The following FGF14 variants were observed in gnomAD, a reference collection of about 807,000 sequenced individuals.
FGF14 encodes the protein fibroblast growth factor 14.
FGF14 carries 5 observed loss-of-function variants against 25.5 expected under a neutral mutation model. That is an observed-to-expected ratio of 0.20 (90% CI 0.10 to 0.41). The LOEUF is 0.41. Ranked by LOEUF, FGF14 falls within the 10% of genes least tolerant of loss-of-function variation. The pLI, the probability that FGF14 is intolerant of heterozygous loss-of-function variation, is 1.00. For missense variants in FGF14, 222 were observed against 320.1 expected (o/e 0.69, Z 2.34); for synonymous variants, 138 against 118.3 (o/e 1.17, Z -1.08).
At chr13:101,754,335 T>C (rs1347090836) in intron 3 of FGF14, among the ~76,000 whole-genome samples, 1 of 152,232 alleles carries the variant, frequency 6.6e-6, no homozygotes, top group Non-Finnish European at 1.5e-5. Flanking sequence ...CCAAGAGTTA[T>C]CACAGAGCTC....
In FGF14 at chr13:101,848,453, A is replaced by G. The variant is rs77878052; in HGVS notation, c.408+20272T>C. Among the ~76,000 whole-genome samples, 1,038 of 152,210 alleles carry G rather than the reference A, an allele frequency of 6.8e-3. 2 individuals are homozygous for G. Among genetic ancestry groups the G allele is most frequent in the Non-Finnish European group, 0.011 (739 of 67,964 alleles). The stretch of plus-strand genomic sequence containing the variant: ...AAAAAGTGTAATGTAATAATTTAGT[A>G]TCAAAAACAAGAGAAAGGAGGAGGC... On this transcript the variant is annotated intron_variant, in intron 3 of 4. Transcript: ENST00000376143.
intron 3 of FGF14, among the ~76,000 whole-genome samples, chr13:101,775,740 T>A (rs1399618211): frequency 6.6e-6 from 1 of 152,074 alleles, no homozygotes; most frequent in African/African-American, 2.4e-5. Flanking sequence ...TGAAATGAAA[T>A]TGGAAGGGTG....
chr13:102,121,336 A>C (rs1223471534), intron 1 of FGF14, among the ~76,000 whole-genome samples: 1 of 152,186 alleles, frequency 6.6e-6, no homozygotes, highest in Admixed American at 6.5e-5. Context: ...TCCTTTGCCC[A>C]AGGGACCATA....
rs902565046 is a variant in FGF14 at position 101,752,384 on chromosome 13, T to C, written c.409-25574A>G. ...ATGTAAATGAATTTTTAACATATTCTATACAAATTTTAATCAGTTGCATAA... is the reference window on the plus strand; with the variant it reads ...ATGTAAATGAATTTTTAACATATTCCATACAAATTTTAATCAGTTGCATAA... On this transcript the variant is annotated intron_variant, in intron 3 of 4. Coordinates refer to ENST00000376143, the MANE Select transcript of FGF14 (RefSeq NM_004115.4). Among the ~76,000 whole-genome samples, 5 of 152,358 alleles carry C rather than the reference T, an allele frequency of 3.3e-5. No individual in the cohort carries two copies. The South Asian group carries it at 8.3e-4, about 25-fold the overall frequency.
In FGF14 at chr13:102,399,082, T is replaced by A. The variant is rs563134561; in HGVS notation, c.208+2389A>T. 1.7e-4 allele frequency among the ~76,000 whole-genome samples: 26 copies of A among 152,118 alleles called. No individual in the cohort carries two copies. In the South Asian group the frequency reaches 5.2e-3, roughly 30 times the overall value. On this transcript the variant is annotated intron_variant, in intron 1 of 4. Transcript: ENST00000376131. ...AAAATGAATTGTTCTAAAAATAAAT[T>A]GTCATTTGTTCCACAGTTTCCAAAA... is the stretch of plus-strand genomic sequence containing the variant.
intron 1 of FGF14, among the ~76,000 whole-genome samples, chr13:102,053,788 T>G (rs2042316106): frequency 6.6e-6 from 1 of 152,098 alleles, no homozygotes; most frequent in African/African-American, 2.4e-5. Context: ...CAGCTGGGAT[T>G]TTGGAATGAT....
Position 101,896,909 on chromosome 13 carries a change from T to C in FGF14, c.193+19544A>G, listed in dbSNP as rs370410362. Reference sequence around the variant, plus strand: ...GGGTAACTTTATCTATAAAATAAGATGACTGAACTGATAATCATTGAAACT... The same window carrying C: ...GGGTAACTTTATCTATAAAATAAGACGACTGAACTGATAATCATTGAAACT... On this transcript the variant is annotated intron_variant, in intron 1 of 4. Transcript: ENST00000376143. Among the ~76,000 whole-genome samples, 15 of 152,282 alleles carry C rather than the reference T, an allele frequency of 9.9e-5. 1 individual carries two copies. The South Asian group carries it at 2.7e-3, about 27-fold the overall frequency.
chr13:102,083,733 T>C (rs2043752343), intron 1 of FGF14, among the ~76,000 whole-genome samples: 1 of 152,234 alleles, frequency 6.6e-6, no homozygotes, highest in African/African-American at 2.4e-5. Flanking sequence ...AACTAAACTG[T>C]AAGCCAACTG....
chr13:102,066,217 T>G (rs1028034511), intron 1 of FGF14, among the ~76,000 whole-genome samples: 1 of 152,156 alleles, frequency 6.6e-6, no homozygotes, highest in Non-Finnish European at 1.5e-5. Context: ...AGGAGGATAA[T>G]TCATAGTGGT....
At chr13:102,041,595 A>AC (rs1555345221) in intron 1 of FGF14, among the ~76,000 whole-genome samples, 1 of 149,850 alleles carries the variant, frequency 6.7e-6, no homozygotes, top group Non-Finnish European at 1.5e-5. Context: ...AAAAAAAAAA[A>AC]AGAGAGATTT....
At chr13:102,072,409 C>G (rs1355645236) in intron 1 of FGF14, among the ~76,000 whole-genome samples, 2 of 152,136 alleles carry the variant, frequency 1.3e-5, no homozygotes, top group Non-Finnish European at 2.9e-5. Flanking sequence ...AAGTATCACT[C>G]TCAGAATTAT....
At chr13:101,886,701 A>T (rs1323906876) in intron 1 of FGF14, among the ~76,000 whole-genome samples, 1 of 152,184 alleles carries the variant, frequency 6.6e-6, no homozygotes, top group Non-Finnish European at 1.5e-5. Flanking sequence ...AAATGGGATT[A>T]TATCAAGCTG....
At chr13:101,895,467 C>T (rs1454261835) in intron 1 of FGF14, among the ~76,000 whole-genome samples, 1 of 151,992 alleles carries the variant, frequency 6.6e-6, no homozygotes, top group East Asian at 1.9e-4. Context: ...GTTAATTTTG[C>T]ACAATAAAAA....
At chr13:101,861,938 GT>G (rs2044439883) in intron 3 of FGF14, among the ~76,000 whole-genome samples, 1 of 152,056 alleles carries the variant, frequency 6.6e-6, no homozygotes, top group South Asian at 2.1e-4. Flanking sequence ...GATCATAGCG[GT>G]TTTCTTGTTT....
intron 1 of FGF14, among the ~76,000 whole-genome samples, chr13:102,070,593 C>T (rs987989176): frequency 2.3e-4 from 35 of 152,334 alleles, no homozygotes; most frequent in African/African-American, 7.2e-4. Flanking sequence ...ATGATTATTG[C>T]AGTACTGTTC....
At chr13:101,837,327 T>C (rs1221024123) in intron 3 of FGF14, among the ~76,000 whole-genome samples, 1 of 152,114 alleles carries the variant, frequency 6.6e-6, no homozygotes, top group Non-Finnish European at 1.5e-5. Flanking sequence ...TGTAGGTGTA[T>C]CTGAGTTTAA....
At chr13:101,788,939 G>GAGAGAC (rs2040059289) in intron 3 of FGF14, among the ~76,000 whole-genome samples, 1 of 58,502 alleles carries the variant, frequency 1.7e-5, no homozygotes, top group African/African-American at 5.4e-5. Flanking sequence ...GAGAGAGAGA[G>GAGAGAC]AGAGAGAGAC....
At chr13:102,395,952 T>C (rs377099323) in intron 1 of FGF14, among the ~76,000 whole-genome samples, 9 of 151,954 alleles carry the variant, frequency 5.9e-5, no homozygotes, top group East Asian at 1.9e-4. Flanking sequence ...GTAAAAAAAA[T>C]AGTGGCAGCT....
chr13:102,064,708 C>G (rs1163416472), intron 1 of FGF14, among the ~76,000 whole-genome samples: 2 of 151,754 alleles, frequency 1.3e-5, no homozygotes, highest in Non-Finnish European at 2.9e-5. Flanking sequence ...CAAACATGAA[C>G]AGAAGATACT....
Sources: gnomAD v4.1 joint callset for allele counts (sites outside exome capture counted in the v4.1 genomes callset) on GRCh38, gnomAD v4.1.1 for gene constraint, MANE v1.5 for transcripts, NCBI Gene and HGNC (gene_info 2026-07-23, HGNC 2026-07-21) for gene names.